CTNNA3: variants seen among roughly 807,000 people sequenced by gnomAD.
CTNNA3 encodes the protein catenin alpha 3, also known as catenin alpha-3.
A neutral mutation model predicts 95.7 loss-of-function variants in CTNNA3; 76 were observed. That is an observed-to-expected ratio of 0.79 (90% CI 0.66 to 0.96). The LOEUF (loss-of-function observed/expected upper bound fraction) is 0.96, where lower values mean the gene tolerates loss of function less well. Ranked by LOEUF, CTNNA3 falls within the 40% of genes least tolerant of loss-of-function variation. The probability of loss-of-function intolerance (pLI) is 0.00; values close to 1 mark genes in which losing one functional copy is unlikely to be tolerated. For synonymous variants in CTNNA3, 431 were observed against 374.4 expected (o/e 1.15, Z -1.74); for missense variants, 1,191 against 1,089.8 (o/e 1.09, Z -1.31).
chr10:66,503,547 T>C (rs1323922685), intron 11 of CTNNA3, among the ~76,000 whole-genome samples: 10 of 151,976 alleles, frequency 6.6e-5, no homozygotes, highest in African/African-American at 2.2e-4. Context: ...CAGCTCACTG[T>C]AACCTCTGCC....
chr10:65,947,887 G>A (rs1564532663), intron 17 of CTNNA3, among the ~76,000 whole-genome samples: 1 of 152,218 alleles, frequency 6.6e-6, no homozygotes, highest in East Asian at 1.9e-4. Context: ...CTGTGTTGAA[G>A]AGGAATAGAC....
Position 67,756,310 on chromosome 10 carries a change from AAG to A in CTNNA3, c.-2+7122_-2+7123del, listed in dbSNP as rs568397107. On this transcript the variant is annotated intron_variant, in intron 1 of 17. Transcript: ENST00000684154. ...CAGTAGTCTATTGTACATTTCAAAA[AAG>A]CTAGAAGAGAATAATTCAAATGTTT... 9.0e-4 allele frequency among the ~76,000 whole-genome samples: 137 copies of A among 152,346 alleles called. No individual in the cohort carries two copies. In the East Asian group the frequency reaches 9.2e-3, roughly 10 times the overall value.
intron 13 of CTNNA3, among the ~76,000 whole-genome samples, chr10:66,177,188 C>A (rs1326673326): frequency 6.6e-6 from 1 of 151,946 alleles, no homozygotes; most frequent in Non-Finnish European, 1.5e-5. Flanking sequence ...CTTTTCCTGA[C>A]CTCTTTATTT....
intron 7 of CTNNA3, among the ~76,000 whole-genome samples, chr10:66,782,564 CT>C (rs1276866865): frequency 6.6e-6 from 1 of 151,998 alleles, no homozygotes; most frequent in Non-Finnish European, 1.5e-5. Context: ...TCCACTATAT[CT>C]GTGAGACTTT....
At chr10:67,196,017 G>A (rs564954753) in intron 6 of CTNNA3, among the ~76,000 whole-genome samples, 11 of 152,082 alleles carry the variant, frequency 7.2e-5, no homozygotes, top group South Asian at 4.1e-4. Context: ...TATGCTTCAC[G>A]TTGAGAGCAG....
chr10:66,148,026 G>C (rs1020973881), intron 13 of CTNNA3, among the ~76,000 whole-genome samples: 1 of 150,434 alleles, frequency 6.6e-6, no homozygotes, highest in African/African-American at 2.4e-5. Flanking sequence ...GCTCATTATT[G>C]TTTTATTTCC....
intron 7 of CTNNA3, among the ~76,000 whole-genome samples, chr10:67,056,907 G>A (rs1021557025): frequency 6.6e-5 from 10 of 152,242 alleles, no homozygotes; most frequent in African/African-American, 1.9e-4. Flanking sequence ...TTATGTGGTG[G>A]CCTGAGTGAA....
intron 11 of CTNNA3, among the ~76,000 whole-genome samples, chr10:66,484,010 A>G (rs1309315022): frequency 7.9e-5 from 12 of 152,172 alleles, no homozygotes. Context: ...GTAAAAAATG[A>G]GAACTACCTC....
intron 12 of CTNNA3, among the ~76,000 whole-genome samples, chr10:66,325,588 G>A (rs1380844006): frequency 3.3e-5 from 5 of 152,012 alleles, no homozygotes; most frequent in Admixed American, 3.3e-4. Flanking sequence ...AGACAATGAA[G>A]GGTTGTTCTG....
At position 66,027,144 on chromosome 10, in the gene CTNNA3, T is replaced by A. The variant is rs76055117; in HGVS notation, c.2160-38347A>T. 2.6e-4 allele frequency among the ~76,000 whole-genome samples: 40 copies of A among 152,256 alleles called. 1 individual carries two copies. In the East Asian group the frequency reaches 7.7e-3, roughly 29 times the overall value. On this transcript the variant is annotated intron_variant, in intron 15 of 17. Coordinates refer to ENST00000433211, the MANE Select transcript of CTNNA3 (RefSeq NM_013266.4). ...TGAAAAATCAGTTCTGAGTTTGCTA[T>A]GGCTCTAGTTTTTGTGGTTGTGTGA...
At chr10:66,867,751 G>A (rs1369243446) in intron 7 of CTNNA3, among the ~76,000 whole-genome samples, 4 of 151,896 alleles carry the variant, frequency 2.6e-5, no homozygotes, top group African/African-American at 9.7e-5. Context: ...CATGCAATAT[G>A]AGTCTACTAT....
At chr10:66,033,617 G>A (rs1021667018) in intron 15 of CTNNA3, among the ~76,000 whole-genome samples, 4 of 151,822 alleles carry the variant, frequency 2.6e-5, no homozygotes, top group Non-Finnish European at 5.9e-5. Context: ...AAAGCCCCCC[G>A]AGATCAGGGA....
intron 7 of CTNNA3, among the ~76,000 whole-genome samples, chr10:67,004,271 T>C (rs1450712037): frequency 6.6e-6 from 1 of 152,196 alleles, no homozygotes; most frequent in African/African-American, 2.4e-5. Context: ...TGACTCTTTA[T>C]AAAATTTCTT....
intron 5 of CTNNA3, among the ~76,000 whole-genome samples, chr10:67,331,608 T>C (rs1841798886): frequency 6.6e-6 from 1 of 152,138 alleles, no homozygotes; most frequent in African/African-American, 2.4e-5. Flanking sequence ...ATTCAAGTGA[T>C]GTGGCCATCT....
intron 7 of CTNNA3, among the ~76,000 whole-genome samples, chr10:66,808,844 G>A (rs1564696847): frequency 6.6e-6 from 1 of 151,964 alleles, no homozygotes; most frequent in Non-Finnish European, 1.5e-5. Flanking sequence ...TGACTTATTC[G>A]CTTACTGGTC....
intron 15 of CTNNA3, among the ~76,000 whole-genome samples, chr10:65,991,742 C>G (rs1325619779): frequency 1.3e-5 from 2 of 151,944 alleles, no homozygotes; most frequent in Non-Finnish European, 2.9e-5. Flanking sequence ...ACTTTTCTTT[C>G]TTTTTCCTGA....
chr10:66,651,804 G>GATCGCGGCACACAGCAGCGCCA (rs1471509971), intron 9 of CTNNA3, among the ~76,000 whole-genome samples: 2 of 21,886 alleles, frequency 9.1e-5, no homozygotes, highest in African/African-American at 3.7e-4. Context: ...CGCATTGGCC[G>GATCGCGGCACACAGCAGCGCCA]GTTCCCACCC....
intron 13 of CTNNA3, among the ~76,000 whole-genome samples, chr10:66,106,336 TTTGTGTGTG>T (rs2081908080): frequency 8.7e-6 from 1 of 115,274 alleles, no homozygotes; most frequent in Admixed American, 1.1e-4. Flanking sequence ...TGTGTGTGTG[TTTGTGTGTG>T]TGTGTGTGTG....
chr10:66,255,323 T>C (rs960375701), intron 13 of CTNNA3, among the ~76,000 whole-genome samples: 2 of 152,172 alleles, frequency 1.3e-5, no homozygotes, highest in African/African-American at 4.8e-5. Context: ...TAGTGCCGTA[T>C]CTAAACCCAA....
Sources: gnomAD v4.1 joint callset for allele counts (sites outside exome capture counted in the v4.1 genomes callset) on GRCh38, gnomAD v4.1.1 for gene constraint, MANE v1.5 for transcripts, NCBI Gene and HGNC (gene_info 2026-07-23, HGNC 2026-07-21) for gene names.